Variants in MAP3K5 observed in about 807,000 individuals in gnomAD.
The protein encoded by MAP3K5 is ASK-1.
In MAP3K5, 56 loss-of-function variants were observed where a neutral mutation model predicts 158.7. That is an observed-to-expected ratio of 0.35 (90% CI 0.28 to 0.44). The LOEUF (loss-of-function observed/expected upper bound fraction) is 0.44, where lower values mean the gene tolerates loss of function less well. Ranked by LOEUF, MAP3K5 falls within the 20% of genes least tolerant of loss-of-function variation. MAP3K5 has a pLI of 1.00. For missense variants in MAP3K5, 1,294 were observed against 1,674.8 expected, an observed-to-expected ratio of 0.77 and a Z score of 3.97; for synonymous variants, 579 against 601.7, an observed-to-expected ratio of 0.96 and a Z score of 0.55.
chr6:136,589,358 T>C (rs1775282334), intron 23 of MAP3K5, among the ~76,000 whole-genome samples: 1 of 152,150 alleles, frequency 6.6e-6, no homozygotes, highest in Non-Finnish European at 1.5e-5. Flanking sequence ...GAGTTCCCAG[T>C]ACCCATTGAA....
At chr6:136,572,896 C>T (rs1032726373) in intron 25 of MAP3K5, among the ~76,000 whole-genome samples, 26 of 152,032 alleles carry the variant, frequency 1.7e-4, no homozygotes, top group African/African-American at 3.1e-4. Context: ...CACAGAAGAG[C>T]GCTGAGAGCA....
intron 5 of MAP3K5, 36 bp downstream of exon 5, chr6:136,697,183 T>A: frequency 6.3e-7 from 1 of 1,585,168 alleles, no homozygotes. Context: ...TCCAACATGC[T>A]ACACAACAAA....
intron 1 of MAP3K5, among the ~76,000 whole-genome samples, chr6:136,740,302 C>T (rs1782657220): frequency 6.6e-6 from 1 of 152,272 alleles, no homozygotes; most frequent in Non-Finnish European, 1.5e-5. Context: ...TACCTTCCCC[C>T]TCTTTCACCT....
intron 1 of MAP3K5, among the ~76,000 whole-genome samples, chr6:136,745,316 T>C (rs934472171): frequency 6.6e-6 from 1 of 152,078 alleles, no homozygotes; most frequent in Admixed American, 6.6e-5. Context: ...CCAACACAAA[T>C]TGTTGGGAAG....
At chr6:136,715,684 G>A (rs1781487791) in intron 2 of MAP3K5, among the ~76,000 whole-genome samples, 1 of 152,014 alleles carries the variant, frequency 6.6e-6, no homozygotes, top group Admixed American at 6.5e-5. Context: ...TATTGATATT[G>A]ACGTCTGAAG....
Position 136,762,908 on chromosome 6 carries a change from G to A in MAP3K5, c.448+28802C>T, listed in dbSNP as rs1326054565. On this transcript the variant is annotated intron_variant, in intron 1 of 29. Coordinates refer to ENST00000359015, the MANE Select transcript of MAP3K5 (RefSeq NM_005923.4). ...CTCTTCACAGCTAGAGAATAAAAAT[G>A]GCAAATGCTGCCTATTTCCAAGGCT... is the stretch of plus-strand genomic sequence containing the variant. Among the ~76,000 whole-genome samples, 3 of 152,162 alleles carry A rather than the reference G, an allele frequency of 2.0e-5. No homozygotes were observed. The East Asian group carries it at 5.8e-4, about 29-fold the overall frequency.
chr6:136,671,408 A>G (rs1339179729), intron 7 of MAP3K5, among the ~76,000 whole-genome samples: 1 of 152,222 alleles, frequency 6.6e-6, no homozygotes, highest in East Asian at 1.9e-4. Flanking sequence ...TCAATCCATG[A>G]GACTAAATTG....
chr6:136,696,322 G>A (rs1254469551), intron 5 of MAP3K5, among the ~76,000 whole-genome samples: 1 of 152,214 alleles, frequency 6.6e-6, no homozygotes, highest in African/African-American at 2.4e-5. Context: ...AAAACACCAA[G>A]CATGATAGTG....
intron 14 of MAP3K5, among the ~76,000 whole-genome samples, chr6:136,635,386 A>T (rs1458624271): frequency 6.6e-6 from 1 of 152,198 alleles, no homozygotes; most frequent in African/African-American, 2.4e-5. Flanking sequence ...TAAGAAATAA[A>T]AAATTGTAAA....
intron 1 of MAP3K5, among the ~76,000 whole-genome samples, chr6:136,737,045 A>G (rs1035951576): frequency 8.1e-5 from 12 of 147,492 alleles, no homozygotes; most frequent in African/African-American, 3.1e-4. Context: ...GTGTATATAT[A>G]TATATATATA....
chr6:136,602,607 G>A (rs570658789), intron 19 of MAP3K5, among the ~76,000 whole-genome samples: 32 of 152,250 alleles, frequency 2.1e-4, no homozygotes, highest in African/African-American at 7.2e-4. Flanking sequence ...CTCAGCCACC[G>A]AGCTGAGACC....
At chr6:136,667,673 A>G (rs1779286507) in intron 8 of MAP3K5, among the ~76,000 whole-genome samples, 1 of 150,710 alleles carries the variant, frequency 6.6e-6, no homozygotes, top group Non-Finnish European at 1.5e-5. Context: ...ACATGGCAAA[A>G]CCTCATCTTT....
intron 11 of MAP3K5, among the ~76,000 whole-genome samples, chr6:136,644,570 G>T (rs936088428): frequency 2.6e-5 from 4 of 152,222 alleles, no homozygotes; most frequent in African/African-American, 9.6e-5. Flanking sequence ...ATACTGTATT[G>T]ACTGAAGGTG....
chr6:136,641,759 C>G (rs549302934), intron 12 of MAP3K5, among the ~76,000 whole-genome samples: 1 of 151,172 alleles, frequency 6.6e-6, no homozygotes, highest in African/African-American at 2.4e-5. Context: ...AAGCCCTACA[C>G]GGGCGGATCA....
At chr6:136,781,751 A>G (rs186961415) in intron 1 of MAP3K5, among the ~76,000 whole-genome samples, 3 of 152,338 alleles carry the variant, frequency 2.0e-5, no homozygotes, top group Admixed American at 2.0e-4. Context: ...CCAACTGCAT[A>G]AAATCACCCC....
intron 2 of MAP3K5, among the ~76,000 whole-genome samples, chr6:136,710,790 C>T (rs558871989): frequency 6.6e-6 from 1 of 152,204 alleles, no homozygotes; most frequent in East Asian, 1.9e-4. Context: ...AGGGAAAGAA[C>T]CTCTCCCTGG....
intron 1 of MAP3K5, among the ~76,000 whole-genome samples, chr6:136,732,023 G>A (rs547311059): frequency 5.9e-5 from 9 of 152,296 alleles, no homozygotes; most frequent in African/African-American, 1.4e-4. Flanking sequence ...TAAAGGGAGT[G>A]CTAATTAATG....
intron 1 of MAP3K5, among the ~76,000 whole-genome samples, chr6:136,736,084 G>A (rs1409468929): frequency 3.3e-5 from 5 of 151,908 alleles, no homozygotes; most frequent in African/African-American, 7.3e-5. Context: ...GGCAGAAATC[G>A]TTGCTCATCC....
chr6:136,694,461 T>C, intron 6 of MAP3K5, 151 bp from the exon 7 acceptor site: 1 of 635,434 alleles, frequency 1.6e-6, no homozygotes, highest in Non-Finnish European at 2.6e-6. Context: ...TGTAAACCTC[T>C]GTCCTAAGCC....
Sources: gnomAD v4.1 joint callset for allele counts (sites outside exome capture counted in the v4.1 genomes callset) on GRCh38, gnomAD v4.1.1 for gene constraint, MANE v1.5 for transcripts, NCBI Gene and HGNC (gene_info 2026-07-23, HGNC 2026-07-21) for gene names.